Variants in PALS1 observed in about 807,000 individuals in gnomAD.
The protein encoded by PALS1 is protein PALS1.
Under a neutral mutation model 78.9 loss-of-function variants are expected in PALS1, and 31 were observed. That is an observed-to-expected ratio of 0.39 (90% CI 0.30 to 0.53). PALS1 has a LOEUF of 0.53. Ranked by LOEUF, PALS1 falls within the 20% of genes least tolerant of loss-of-function variation. The pLI is 0.67. For synonymous variants in PALS1, 276 were observed against 270.9 expected (o/e 1.02, Z -0.18); for missense variants, 704 against 826.5 (o/e 0.85, Z 1.82).
chr14:67,254,946 T>G (rs980646419), intron 1 of PALS1, among the ~76,000 whole-genome samples: 3 of 152,138 alleles, frequency 2.0e-5, no homozygotes, highest in African/African-American at 7.2e-5. Flanking sequence ...GTCAAGAGAT[T>G]GAGACCATCC....
At position 67,335,508 on chromosome 14, in the gene PALS1, G is replaced by A. The variant is rs1280172143; in HGVS notation, c.*2552G>A. Reference sequence around the variant, plus strand: ...TTTGTTTCTCAAATTTTCGTTGTCAGAACAAATGGAAGGAGAATATTATTT... The same window carrying A: ...TTTGTTTCTCAAATTTTCGTTGTCAAAACAAATGGAAGGAGAATATTATTT... On this transcript the variant is annotated 3_prime_UTR_variant, in exon 15 of 15. Transcript: ENST00000261681. 2 of 152,616 alleles carry A rather than the reference G, an allele frequency of 1.3e-5. No individual in the cohort carries two copies. Among genetic ancestry groups the A allele is most frequent in the Admixed American group, 6.5e-5 (1 of 15,272 alleles). The allele number at this position is 152,616 out of a possible 1,614,324, so 9.5% of individuals were successfully genotyped here.
chr14:67,313,778 AT>A (rs955173131), intron 9 of PALS1, among the ~76,000 whole-genome samples: 13 of 151,878 alleles, frequency 8.6e-5, no homozygotes, highest in Admixed American at 5.9e-4. Flanking sequence ...ACTTATGTAT[AT>A]TTTTTTCTTC....
rs1234608095 is a variant in PALS1 at position 67,321,298 on chromosome 14, G to A, written c.1740+39G>A. ...TTTGTTTTAGGGTTTGAACTTAGAA[G>A]GAATGTCATATAGAGTAATCTAGTG... On this transcript the variant is annotated intron_variant, in intron 13 of 14. Coordinates refer to ENST00000261681, the MANE Select transcript of PALS1 (RefSeq NM_022474.4). The A allele has an allele frequency of 3.8e-6, 6 of 1,595,932 alleles. No individual in the cohort carries two copies. In the African/African-American group the frequency reaches 8.1e-5, roughly 21 times the overall value.
In PALS1 at chr14:67,281,862, T is replaced by G. The variant is rs1319390542; in HGVS notation, c.367+2325T>G. ...CTGTTTGAATGTTCTATTGCTGACT[T>G]TTTTACAAATTCAGATTAAAGGATA... On this transcript the variant is annotated intron_variant, in intron 3 of 14. Coordinates refer to ENST00000261681, the MANE Select transcript of PALS1 (RefSeq NM_022474.4). Among the ~76,000 whole-genome samples the G allele has an allele frequency of 2.0e-5, 3 of 152,108 alleles. No homozygotes were observed. In the East Asian group the frequency reaches 5.8e-4, roughly 29 times the overall value.
chr14:67,285,879 C>G (rs1255127981), intron 3 of PALS1, among the ~76,000 whole-genome samples: 1 of 151,894 alleles, frequency 6.6e-6, no homozygotes, highest in East Asian at 1.9e-4. Context: ...ATTTGTGGAC[C>G]CATGTGTATG....
intron 13 of PALS1, among the ~76,000 whole-genome samples, chr14:67,323,261 G>GTGTGTGTGTGTGTGTATATA (rs1429954753): frequency 2.4e-5 from 3 of 124,140 alleles, no homozygotes; most frequent in African/African-American, 8.2e-5. Context: ...GTGTGTGTGT[G>GTGTGTGTGTGTGTGTATATA]TATATATATA....
At chr14:67,306,287 T>C (rs771520640) in intron 8 of PALS1, among the ~76,000 whole-genome samples, 10 of 151,494 alleles carry the variant, frequency 6.6e-5, no homozygotes, top group Non-Finnish European at 1.2e-4. Flanking sequence ...ATATTTAAAG[T>C]AGGGATCTTT....
chr14:67,332,704 T>C, intron 14 of PALS1, 76 bp from the exon 15 acceptor site: 1 of 1,438,900 alleles, frequency 6.9e-7, no homozygotes, highest in East Asian at 2.4e-5. Flanking sequence ...TCCTTGTTCT[T>C]TGGCCATCTC....
intron 14 of PALS1, among the ~76,000 whole-genome samples, chr14:67,330,158 ATT>A (rs1451756065): frequency 6.5e-4 from 91 of 139,686 alleles, no homozygotes; most frequent in African/African-American, 2.1e-3. Flanking sequence ...AATAATAATT[ATT>A]ATTATTATTA....
chr14:67,325,152 G>C (rs181218439), intron 14 of PALS1, among the ~76,000 whole-genome samples: 1 of 151,812 alleles, frequency 6.6e-6, no homozygotes, highest in Non-Finnish European at 1.5e-5. Context: ...TGATCCACCC[G>C]CCTTGGCCTC....
intron 1 of PALS1, among the ~76,000 whole-genome samples, chr14:67,255,759 C>CA (rs1297631761): frequency 6.6e-6 from 1 of 152,210 alleles, no homozygotes; most frequent in Non-Finnish European, 1.5e-5. Flanking sequence ...GGGCTCACTG[C>CA]AACCTCTGCC....
intron 2 of PALS1, among the ~76,000 whole-genome samples, chr14:67,276,221 A>C (rs984072739): frequency 6.6e-6 from 1 of 152,120 alleles, no homozygotes; most frequent in Non-Finnish European, 1.5e-5. Context: ...AACTCTTCTC[A>C]GTGTGGCTTC....
chr14:67,310,015 TAACA>T (rs944500578), intron 8 of PALS1, among the ~76,000 whole-genome samples: 9 of 146,082 alleles, frequency 6.2e-5, no homozygotes, highest in Non-Finnish European at 1.3e-4. Context: ...GGCAAAAAAG[TAACA>T]AACAGATTCT....
At chr14:67,294,100 A>G (rs1236064891) in intron 4 of PALS1, among the ~76,000 whole-genome samples, 1 of 152,214 alleles carries the variant, frequency 6.6e-6, no homozygotes, top group Admixed American at 6.5e-5. Context: ...TCAATTTTGA[A>G]TATTAGTTTT....
At chr14:67,269,994 A>G (rs894857016) in intron 2 of PALS1, 6 of 152,222 alleles carry the variant, frequency 3.9e-5, no homozygotes, top group Admixed American at 3.3e-4. Context: ...ACTAGTGTAG[A>G]CTGAACATGT....
intron 3 of PALS1, among the ~76,000 whole-genome samples, chr14:67,290,663 G>A (rs924017463): frequency 1.3e-5 from 2 of 152,116 alleles, no homozygotes; most frequent in Non-Finnish European, 2.9e-5. Context: ...ATCCCAAAGT[G>A]CTGGGAACAC....
At chr14:67,273,999 T>C (rs1377451428) in intron 2 of PALS1, among the ~76,000 whole-genome samples, 1 of 152,232 alleles carries the variant, frequency 6.6e-6, no homozygotes, top group Non-Finnish European at 1.5e-5. Context: ...TTTGTTTAAG[T>C]TCTTTGTAGA....
intron 3 of PALS1, among the ~76,000 whole-genome samples, chr14:67,283,618 G>C (rs2084634717): frequency 6.6e-6 from 1 of 151,986 alleles, no homozygotes; most frequent in South Asian, 2.1e-4. Flanking sequence ...TATCTTCCTG[G>C]AATTGAAATA....
At chr14:67,298,734 A>G (rs1376436391) in intron 4 of PALS1, among the ~76,000 whole-genome samples, 1 of 152,164 alleles carries the variant, frequency 6.6e-6, no homozygotes, top group Non-Finnish European at 1.5e-5. Flanking sequence ...TTTGACATAT[A>G]TGTACATCTG....
Sources: gnomAD v4.1 joint callset for allele counts (sites outside exome capture counted in the v4.1 genomes callset) on GRCh38, gnomAD v4.1.1 for gene constraint, MANE v1.5 for transcripts, NCBI Gene and HGNC (gene_info 2026-07-23, HGNC 2026-07-21) for gene names.